Variants in CNTNAP3 observed in about 807,000 individuals in gnomAD.
CNTNAP3 encodes contactin-associated protein-like 3.
In CNTNAP3, 36 loss-of-function variants were observed where a neutral mutation model predicts 92.1. The observed-to-expected ratio is 0.39, with a 90% CI of 0.30 to 0.52. The LOEUF is 0.52. Ranked by LOEUF, CNTNAP3 falls within the 20% of genes least tolerant of loss-of-function variation. The pLI, the probability that CNTNAP3 is intolerant of heterozygous loss-of-function variation, is 0.76. For missense variants in CNTNAP3, 534 were observed against 1,069.6 expected (o/e 0.50, Z 6.98); for synonymous variants, 232 against 422.3 (o/e 0.55, Z 5.53).
At chr9:39,075,340 A>G (rs1004983197) in intron 23 of CNTNAP3, among the ~76,000 whole-genome samples, 1 of 151,382 alleles carries the variant, frequency 6.6e-6, no homozygotes, top group African/African-American at 2.4e-5. Flanking sequence ...TCAGAGCCAG[A>G]GTGCTAAAGC....
rs1198106886 is a variant in CNTNAP3 at position 39,068,243 on chromosome 9, CAAAAAAAAAA to C, written c.*5637_*5646del. Reference sequence around the variant, plus strand: ...TGAAACCTTGCCTCCACTAAAAATACAAAAAAAAAAAAAAAAAAAAAAATTAGCTGGGCAT... The same window carrying C: ...TGAAACCTTGCCTCCACTAAAAATACAAAAAAAAAAAAATTAGCTGGGCAT... On this transcript the variant is annotated 3_prime_UTR_variant, in exon 24 of 24. Coordinates refer to ENST00000297668, the MANE Select transcript of CNTNAP3 (RefSeq NM_033655.5). 7.7e-6 allele frequency among the ~76,000 whole-genome samples: 1 copy of C among 129,320 alleles called. No individual in the cohort carries two copies. Among genetic ancestry groups the C allele is most frequent in the African/African-American group, 2.9e-5 (1 of 34,674 alleles). The allele number at this position is 129,320 out of a possible 152,430, so 84.8% of individuals were successfully genotyped here.
At chr9:39,122,092 C>T (rs1281623621) in intron 13 of CNTNAP3, among the ~76,000 whole-genome samples, 2 of 152,116 alleles carry the variant, frequency 1.3e-5, no homozygotes, top group African/African-American at 4.8e-5. Context: ...CGGTGGCTCA[C>T]GCCTGTAATC....
At chr9:39,077,928 G>A (rs972360258) in intron 23 of CNTNAP3, among the ~76,000 whole-genome samples, 3 of 152,094 alleles carry the variant, frequency 2.0e-5, no homozygotes, top group African/African-American at 7.2e-5. Context: ...AACGAAGGCC[G>A]GGCATGGTGG....
chr9:39,131,289 TCA>T (rs773200073), intron 13 of CNTNAP3, among the ~76,000 whole-genome samples: 2 of 152,148 alleles, frequency 1.3e-5, no homozygotes, highest in Non-Finnish European at 2.9e-5. Context: ...CCCCATGAGA[TCA>T]ATACTACAGG....
intron 12 of CNTNAP3, among the ~76,000 whole-genome samples, chr9:39,137,352 G>A (rs1227469223): frequency 1.3e-5 from 2 of 151,766 alleles, no homozygotes; most frequent in African/African-American, 2.4e-5. Context: ...ACTCCTTTTT[G>A]CTTCTTAGAA....
At chr9:39,104,360 A>C (rs906046293) in intron 15 of CNTNAP3, among the ~76,000 whole-genome samples, 3 of 152,002 alleles carry the variant, frequency 2.0e-5, no homozygotes, top group Non-Finnish European at 2.9e-5. Flanking sequence ...TCAGTTTGGG[A>C]CATGTTTCAT....
chr9:39,090,097 G>A (rs934848499), intron 18 of CNTNAP3, among the ~76,000 whole-genome samples: 8 of 152,096 alleles, frequency 5.3e-5, no homozygotes, highest in Non-Finnish European at 8.8e-5. Flanking sequence ...CCGCCACTAC[G>A]CGTGGCTAAT....
chr9:39,140,239 A>G (rs1315749318), intron 12 of CNTNAP3, among the ~76,000 whole-genome samples: 1 of 145,992 alleles, frequency 6.8e-6, no homozygotes, highest in Non-Finnish European at 1.5e-5. Flanking sequence ...TTACCGAATC[A>G]GAGGTTTGTA....
At chr9:39,124,208 T>C (rs974060814) in intron 13 of CNTNAP3, among the ~76,000 whole-genome samples, 3 of 152,124 alleles carry the variant, frequency 2.0e-5, no homozygotes, top group African/African-American at 7.2e-5. Flanking sequence ...AGTGGAATAG[T>C]GTTGTTTGAA....
chr9:39,073,817 C>A lies in CNTNAP3; in HGVS notation c.*73G>T. On this transcript the variant is annotated 3_prime_UTR_variant, in exon 24 of 24. Coordinates refer to ENST00000297668, the MANE Select transcript of CNTNAP3 (RefSeq NM_033655.5). The stretch of plus-strand genomic sequence containing the variant: ...CGATGATAGAGACAGCCACAGCTGC[C>A]AATCAGAAGACTCGCTCTTTCTGGT... The A allele has an allele frequency of 6.3e-7, 1 of 1,596,556 alleles. No individual in the cohort carries two copies. Among genetic ancestry groups the A allele is most frequent in the East Asian group, 2.2e-5 (1 of 44,890 alleles).
chr9:39,096,966 A>C (rs1826340787), intron 18 of CNTNAP3, among the ~76,000 whole-genome samples: 1 of 149,978 alleles, frequency 6.7e-6, no homozygotes. Flanking sequence ...TTTTTTTCTG[A>C]TCCTTTCTCT....
At chr9:39,141,213 TA>T (rs1374331859) in intron 11 of CNTNAP3, among the ~76,000 whole-genome samples, 1 of 152,140 alleles carries the variant, frequency 6.6e-6, no homozygotes, top group Non-Finnish European at 1.5e-5. Context: ...ACTCTATAAT[TA>T]AGGAAGAAAC....
rs1435036468 is a variant in CNTNAP3 at position 39,072,473 on chromosome 9, C to T, written c.*1417G>A. On this transcript the variant is annotated 3_prime_UTR_variant, in exon 24 of 24. Transcript: ENST00000297668. ...ACTGCTTCAATACTAGTCCCTGGAA[C>T]TGTCTCCATAAAGTTAATTCCAATC... is the stretch of plus-strand genomic sequence containing the variant. Among the ~76,000 whole-genome samples, 1 of 136,884 alleles carries T rather than the reference C, an allele frequency of 7.3e-6. No individual in the cohort carries two copies. The highest frequency in any genetic ancestry group is 2.7e-5 in the African/African-American group (1 of 36,630). 89.8% of individuals were successfully genotyped at this position (136,884 alleles called of 152,430 possible).
At position 39,070,676 on chromosome 9, in the gene CNTNAP3, T is replaced by A. The variant is rs1308006475; in HGVS notation, c.*3214A>T. ...GCATATTTTAAAATACAGAGTGTAA[T>A]CAGGTTGTTTGTAACACAAAGGATA... On this transcript the variant is annotated 3_prime_UTR_variant, in exon 24 of 24. Coordinates refer to ENST00000297668, the MANE Select transcript of CNTNAP3 (RefSeq NM_033655.5). Among the ~76,000 whole-genome samples the A allele has an allele frequency of 5.3e-5, 8 of 152,188 alleles. No homozygotes were observed. Among genetic ancestry groups the A allele is most frequent in the Non-Finnish European group, 8.8e-5 (6 of 68,004 alleles).
chr9:39,067,555 G>C lies in CNTNAP3; in HGVS notation c.*6335C>G, dbSNP rs962508270. Among the ~76,000 whole-genome samples the C allele has an allele frequency of 1.3e-5, 2 of 152,300 alleles. No individual in the cohort carries two copies. The highest frequency in any genetic ancestry group is 2.4e-5 in the African/African-American group (1 of 41,488). The stretch of plus-strand genomic sequence containing the variant: ...TGGGACTTCAGGCGCCCAACACCAC[G>C]CCCGGCTAATTTTTGTATGTTTAGT... On this transcript the variant is annotated 3_prime_UTR_variant, in exon 24 of 24. Coordinates refer to ENST00000297668, the MANE Select transcript of CNTNAP3 (RefSeq NM_033655.5).
intron 12 of CNTNAP3, among the ~76,000 whole-genome samples, chr9:39,134,422 T>A (rs1426106718): frequency 2.0e-5 from 3 of 150,788 alleles, no homozygotes; most frequent in Admixed American, 6.6e-5. Flanking sequence ...TTAGATTTTT[T>A]ATTTAATTTA....
At chr9:39,133,775 T>C (rs1174699719) in intron 12 of CNTNAP3, among the ~76,000 whole-genome samples, 1 of 151,822 alleles carries the variant, frequency 6.6e-6, no homozygotes, top group Non-Finnish European at 1.5e-5. Context: ...TTTGATGAAA[T>C]AAAAACAAAA....
intron 13 of CNTNAP3, among the ~76,000 whole-genome samples, 192 bp downstream of exon 13, chr9:39,132,740 C>T (rs1821323280): frequency 6.6e-6 from 1 of 152,154 alleles, no homozygotes; most frequent in Non-Finnish European, 1.5e-5. Context: ...GAACGTCTCT[C>T]AACGGTCAGG....
In CNTNAP3 at chr9:39,077,929, G is replaced by A. The variant is rs1825821689; in HGVS notation, c.3745+456C>T. ...TGCCTTAGAAAATCAACGAAGGCCG[G>A]GCATGGTGGCTCACGCCTGTGATCT... On this transcript the variant is annotated intron_variant, in intron 23 of 23. Coordinates refer to ENST00000297668, the MANE Select transcript of CNTNAP3 (RefSeq NM_033655.5). Among the ~76,000 whole-genome samples, 3 of 152,234 alleles carry A rather than the reference G, an allele frequency of 2.0e-5. 1 individual carries two copies. The highest frequency in any genetic ancestry group is 3.9e-4 in the East Asian group (2 of 5,172).
Sources: allele counts gnomAD v4.1 joint callset (sites outside exome capture counted in the v4.1 genomes callset), GRCh38; gene constraint gnomAD v4.1.1; transcripts MANE v1.5; gene names NCBI Gene and HGNC (gene_info 2026-07-23, HGNC 2026-07-21).